TRAF3: variants seen among roughly 807,000 people sequenced by gnomAD.
The protein encoded by TRAF3 is TNF receptor-associated factor 3.
A neutral mutation model predicts 62.3 loss-of-function variants in TRAF3; 13 were observed. The ratio of observed to expected loss-of-function variants is 0.21; its 90% CI spans 0.14 to 0.33. The LOEUF (loss-of-function observed/expected upper bound fraction) is 0.33. Among genes scored for constraint, TRAF3 ranks in the 10% least tolerant of loss-of-function variants. The probability of loss-of-function intolerance (pLI) is 1.00; values close to 1 mark genes in which losing one functional copy is unlikely to be tolerated. For missense variants in TRAF3, 440 were observed against 741.8 expected, an observed-to-expected ratio of 0.59 and a Z score of 4.73; for synonymous variants, 269 against 283.4, an observed-to-expected ratio of 0.95 and a Z score of 0.51.
At position 102,905,223 on chromosome 14, in the gene TRAF3, G is replaced by T; in HGVS notation, c.1146G>T (p.Glu382Asp). ...CCTCACCTGTGGCAGGCCTGCTGGA[G>T]TCCCAGCTGAGCCGGCATGACCAGA... ...GQVARNTGLLESQLSRHDQML... is the reference protein window; with the variant it reads ...GQVARNTGLLDSQLSRHDQML... Residue 382 changes from glutamate to aspartate, a missense_variant, in exon 12 of 12, where the codon GAG becomes GAT. Physicochemically the swap from Glu to Asp is conservative, Grantham distance 45. Coordinates refer to ENST00000392745, the MANE Select transcript of TRAF3 (RefSeq NM_145725.3). 1 of 1,613,656 alleles carries T rather than the reference G, an allele frequency of 6.2e-7. No homozygotes were observed. Among genetic ancestry groups the T allele is most frequent in the Non-Finnish European group, 8.5e-7 (1 of 1,180,046 alleles).
chr14:102,911,067 C>G lies in TRAF3; in HGVS notation c.*5283C>G, dbSNP rs1253970257. 2.0e-5 allele frequency: 3 copies of G among 152,224 alleles called. No homozygotes were observed. Among genetic ancestry groups the G allele is most frequent in the Non-Finnish European group, 4.4e-5 (3 of 68,036 alleles). The allele number at this position is 152,224 out of a possible 1,614,324, so 9.4% of individuals were successfully genotyped here. ...TCTGTTCGGTTCTGTTACCCAAAAA[C>G]AAAGACCAAAGAAGGCCAATCTCTC... On this transcript the variant is annotated 3_prime_UTR_variant, in exon 12 of 12. Coordinates refer to ENST00000392745, the MANE Select transcript of TRAF3 (RefSeq NM_145725.3).
At chr14:102,840,179 A>G (rs926426103) in intron 2 of TRAF3, among the ~76,000 whole-genome samples, 2 of 152,190 alleles carry the variant, frequency 1.3e-5, no homozygotes, top group Admixed American at 6.5e-5. Context: ...CAGTGCTTTA[A>G]AAAAATCAAA....
chr14:102,813,552 G>A (rs893282129), intron 1 of TRAF3, among the ~76,000 whole-genome samples: 5 of 151,666 alleles, frequency 3.3e-5, no homozygotes, highest in Non-Finnish European at 5.9e-5. Context: ...CAAGGTTCAA[G>A]TGATTCTCCT....
intron 2 of TRAF3, among the ~76,000 whole-genome samples, chr14:102,852,844 G>A (rs1887128149): frequency 6.6e-6 from 1 of 151,964 alleles, no homozygotes; most frequent in South Asian, 2.1e-4. Flanking sequence ...AGGACTCACA[G>A]GCATGTGTCA....
At chr14:102,876,309 A>T in intron 5 of TRAF3, 49 bp from the exon 6 acceptor site, 1 of 1,602,074 alleles carries the variant, frequency 6.2e-7, no homozygotes, top group African/African-American at 1.3e-5. Context: ...GGTATTTCAG[A>T]TTTAGGGTTT....
rs1595418481 is a variant in TRAF3, at chr14:102,906,432, T to TA, written c.*652dup. Reference sequence around the variant, plus strand: ...AATTGTTACTGCAAACATTTTATTTTAAAACGTTGATAGACTGATATTTCT... The same window carrying TA: ...AATTGTTACTGCAAACATTTTATTTTAAAAACGTTGATAGACTGATATTTCT... On this transcript the variant is annotated 3_prime_UTR_variant, in exon 12 of 12. Transcript: ENST00000392745. 1 of 152,452 alleles carries TA rather than the reference T, an allele frequency of 6.6e-6. No homozygotes were observed. Among genetic ancestry groups the TA allele is most frequent in the African/African-American group, 2.4e-5 (1 of 41,470 alleles). The allele number at this position is 152,452 out of a possible 1,614,324, so 9.4% of individuals were successfully genotyped here.
chr14:102,886,481 C>T (rs1889396746), intron 7 of TRAF3, among the ~76,000 whole-genome samples: 1 of 152,168 alleles, frequency 6.6e-6, no homozygotes, highest in South Asian at 2.1e-4. Context: ...TATGGCCGGG[C>T]ACAGTGGCTC....
chr14:102,818,052 AC>A (rs1899646093), intron 1 of TRAF3, among the ~76,000 whole-genome samples: 1 of 152,120 alleles, frequency 6.6e-6, no homozygotes, highest in Non-Finnish European at 1.5e-5. Context: ...CGAGATTCCC[AC>A]CCTTTCAGAG....
At chr14:102,880,786 GA>G (rs1282042339) in intron 6 of TRAF3, among the ~76,000 whole-genome samples, 1 of 152,226 alleles carries the variant, frequency 6.6e-6, no homozygotes, top group East Asian at 1.9e-4. Flanking sequence ...CCATAAAAAG[GA>G]AGGAGATTGG....
At chr14:102,831,872 C>A (rs964638658) in intron 2 of TRAF3, among the ~76,000 whole-genome samples, 3 of 151,998 alleles carry the variant, frequency 2.0e-5, no homozygotes, top group Non-Finnish European at 4.4e-5. Context: ...AAATTCATTT[C>A]TTGCTTTCAG....
intron 2 of TRAF3, among the ~76,000 whole-genome samples, chr14:102,855,511 A>G (rs1202233616): frequency 1.3e-5 from 2 of 152,196 alleles, no homozygotes; most frequent in South Asian, 4.1e-4. Flanking sequence ...TAAAAAAATT[A>G]TAGGCCAGGC....
chr14:102,817,020 AATTGGATGGTGCC>A (rs1306769348), intron 1 of TRAF3, among the ~76,000 whole-genome samples: 1 of 152,020 alleles, frequency 6.6e-6, no homozygotes, highest in Non-Finnish European at 1.5e-5. Flanking sequence ...TGATCTAAGG[AATTGGATGGTGCC>A]ATTTCCTGAG....
chr14:102,878,248 T>C (rs1275305229), intron 6 of TRAF3, among the ~76,000 whole-genome samples: 1 of 152,226 alleles, frequency 6.6e-6, no homozygotes, highest in Non-Finnish European at 1.5e-5. Flanking sequence ...AGCATTGAAA[T>C]GCAGCTGTTT....
chr14:102,795,850 A>G (rs1220898895), intron 1 of TRAF3, among the ~76,000 whole-genome samples: 2 of 152,168 alleles, frequency 1.3e-5, no homozygotes, highest in Non-Finnish European at 2.9e-5. Context: ...TGCTGGGTTT[A>G]GATCATGGTT....
At chr14:102,808,530 A>G (rs1330575330) in intron 1 of TRAF3, among the ~76,000 whole-genome samples, 1 of 151,876 alleles carries the variant, frequency 6.6e-6, no homozygotes, top group Admixed American at 6.6e-5. Flanking sequence ...AAAAAAAAGA[A>G]AAGAAGAACC....
intron 10 of TRAF3, among the ~76,000 whole-genome samples, chr14:102,902,698 C>G (rs1217667735): frequency 1.3e-5 from 2 of 152,198 alleles, no homozygotes; most frequent in Non-Finnish European, 2.9e-5. Context: ...CGCACAGGTG[C>G]TGTGGCCTGG....
chr14:102,802,030 A>G lies in TRAF3; in HGVS notation c.-157+24355A>G, dbSNP rs952688340. 3.7e-5 allele frequency among the ~76,000 whole-genome samples: 5 copies of G among 135,850 alleles called. No individual in the cohort carries two copies. In the South Asian group the frequency reaches 1.2e-3, roughly 32 times the overall value. 89.1% of individuals were successfully genotyped at this position (135,850 alleles called of 152,430 possible). ...GACTCCATCTCAAAAAAAAAAAAAA[A>G]TTTTTTTTTTTTGAGACGGAGTCTC... On this transcript the variant is annotated intron_variant, in intron 1 of 11. Coordinates refer to ENST00000392745, the MANE Select transcript of TRAF3 (RefSeq NM_145725.3).
At chr14:102,870,071 T>C (rs1169024860) in intron 2 of TRAF3, 114 bp from the exon 3 acceptor site, 2 of 1,266,238 alleles carry the variant, frequency 1.6e-6, no homozygotes, top group African/African-American at 1.5e-5. Flanking sequence ...GAAGGATTCT[T>C]GTGTTGCCTA....
intron 1 of TRAF3, among the ~76,000 whole-genome samples, chr14:102,801,349 C>T (rs372541015): frequency 5.3e-5 from 8 of 152,140 alleles, no homozygotes; most frequent in Admixed American, 6.5e-5. Context: ...ATAAAATATG[C>T]GTACAATATT....
Sources: allele counts gnomAD v4.1 joint callset (sites outside exome capture counted in the v4.1 genomes callset), GRCh38; gene constraint gnomAD v4.1.1; transcripts MANE v1.5; gene names NCBI Gene and HGNC (gene_info 2026-07-23, HGNC 2026-07-21).